UBR4: variants seen among roughly 807,000 people sequenced by gnomAD.
UBR4 encodes the protein ubiquitin protein ligase E3 component n-recognin 4, also known as E3 ubiquitin-protein ligase UBR4.
Under a neutral mutation model 575.6 loss-of-function variants are expected in UBR4, and 124 were observed. The ratio of observed to expected loss-of-function variants is 0.22; its 90% confidence interval spans 0.19 to 0.25. The LOEUF is 0.25. Among genes scored for constraint, UBR4 ranks in the 10% least tolerant of loss-of-function variants. The pLI is 1.00. For missense variants in UBR4, 4,818 were observed against 6,478.8 expected, an observed-to-expected ratio of 0.74 and a Z score of 8.80; for synonymous variants, 2,455 against 2,473.7, an observed-to-expected ratio of 0.99 and a Z score of 0.22.
intron 54 of UBR4, 145 bp downstream of exon 54, chr1:19,144,641 T>C (rs924688055): frequency 8.4e-7 from 1 of 1,194,244 alleles, no homozygotes; most frequent in African/African-American, 1.5e-5. Context: ...TGGAGTAAGA[T>C]CTTAAAGCTT....
intron 86 of UBR4, 46 bp downstream of exon 86, chr1:19,104,539 A>T (rs2078985806): frequency 6.2e-7 from 1 of 1,600,268 alleles, no homozygotes; most frequent in South Asian, 1.1e-5. Context: ...GGTTGTCCCT[A>T]AACAGATTCA....
At chr1:19,144,695 A>G (rs1181514288) in intron 54 of UBR4, 91 bp downstream of exon 54, 12 of 1,509,708 alleles carry the variant, frequency 7.9e-6, no homozygotes, top group South Asian at 2.6e-5. Context: ...TCCTCTAAAT[A>G]TATTTTATTT....
Position 19,183,858 on chromosome 1 carries a change from A to T in UBR4, c.2137T>A (p.Phe713Ile), listed in dbSNP as rs1439219478. 3 of 1,614,082 alleles carry T rather than the reference A, an allele frequency of 1.9e-6. No homozygotes were observed. The highest frequency in any genetic ancestry group is 2.5e-6 in the Non-Finnish European group (3 of 1,180,028). ...TCAGAGGTTACCAGTGAGTGGTTGA[A>T]GTGATAGAGAGCTGCAGCAAACTCT... ...DEEFAAALYH[F>I]NHSLVTSDLQ... The change falls in exon 17 of 106, where the codon TTC becomes ATC. Residue 713 changes from phenylalanine to isoleucine, a missense_variant. This residue lies in a region of UBR4 where 1,172 missense variants were observed against 1,259.7 expected (regional missense o/e 0.93). Coordinates refer to ENST00000375254, the MANE Select transcript of UBR4 (RefSeq NM_020765.3).
At position 19,139,745 on chromosome 1, in the gene UBR4, T is replaced by C. The variant is rs2083628180; in HGVS notation, c.8594-525A>G. ...GCATGAGCTCTTGAATCAACCCTGT[T>C]TTGGTTTTTTTAGCAAGTGGTCCAG... On this transcript the variant is annotated intron_variant, in intron 58 of 105. Transcript: ENST00000375254. This position sits in a 1 kb window ranked among gnomAD's most constrained non-coding sequence, Gnocchi z 4.2. 6.6e-6 allele frequency among the ~76,000 whole-genome samples: 1 copy of C among 152,164 alleles called. No individual in the cohort carries two copies.
intron 89 of UBR4, 143 bp from the exon 90 acceptor site, chr1:19,099,820 A>G (rs1378915980): frequency 1.5e-6 from 1 of 668,688 alleles, no homozygotes; most frequent in African/African-American, 1.8e-5. Flanking sequence ...ACTCTTAAAA[A>G]ATCCGCACGT....
intron 104 of UBR4, 114 bp downstream of exon 104, chr1:19,077,861 GC>G (rs1557458294): frequency 6.4e-7 from 1 of 1,573,350 alleles, no homozygotes; most frequent in East Asian, 2.3e-5. Flanking sequence ...GGAAAAAAGC[GC>G]CCCCAGGCCC....
chr1:19,119,014 A>AT, intron 70 of UBR4, 57 bp from the exon 71 acceptor site: 1 of 1,546,454 alleles, frequency 6.5e-7, no homozygotes, highest in Non-Finnish European at 8.9e-7. Context: ...TCTTATTGGA[A>AT]AAGACTTTTG....
intron 104 of UBR4, chr1:19,077,678 A>G: frequency 9.3e-7 from 1 of 1,079,962 alleles, no homozygotes; most frequent in South Asian, 1.3e-5. Flanking sequence ...GGTTGCAGTG[A>G]GCCGAGATCA....
At chr1:19,190,272 AAC>A (rs1357158370) in intron 11 of UBR4, among the ~76,000 whole-genome samples, 2 of 140,638 alleles carry the variant, frequency 1.4e-5, no homozygotes, top group Non-Finnish European at 3.0e-5. Flanking sequence ...CAGCCTGGGC[AAC>A]AGAGCGAGAC....
chr1:19,175,088 T>C, intron 20 of UBR4, 55 bp from the exon 21 acceptor site: 1 of 1,470,784 alleles, frequency 6.8e-7, no homozygotes, highest in Non-Finnish European at 9.4e-7. Context: ...TCTATCTGAC[T>C]AGTATGCAAT....
At chr1:19,205,849 C>G (rs912969632) in intron 1 of UBR4, among the ~76,000 whole-genome samples, 1 of 152,118 alleles carries the variant, frequency 6.6e-6, no homozygotes, top group African/African-American at 2.4e-5. Context: ...AAACAGAAAC[C>G]TCGAACAGGT....
intron 58 of UBR4, among the ~76,000 whole-genome samples, chr1:19,140,564 T>C (rs548127830): frequency 6.6e-6 from 1 of 152,348 alleles, no homozygotes; most frequent in African/African-American, 2.4e-5. Context: ...CGTGGGGAAG[T>C]AGCTGAAGCC....
intron 1 of UBR4, among the ~76,000 whole-genome samples, chr1:19,205,127 G>A (rs565903105): frequency 1.2e-4 from 19 of 152,330 alleles, no homozygotes; most frequent in African/African-American, 3.6e-4. Context: ...ACCGCTGAGC[G>A]TGAAACACTG....
chr1:19,171,411 T>C (rs1037653156), intron 25 of UBR4, among the ~76,000 whole-genome samples: 3 of 152,158 alleles, frequency 2.0e-5, no homozygotes, highest in African/African-American at 4.8e-5. Flanking sequence ...GCCATACATA[T>C]TTGTTTGGCT....
Position 19,105,769 on chromosome 1 carries a change from G to C in UBR4, c.12467C>G (p.Pro4156Arg). 1 of 1,610,410 alleles carries C rather than the reference G, an allele frequency of 6.2e-7. No individual in the cohort carries two copies. The highest frequency in any genetic ancestry group is 8.5e-7 in the Non-Finnish European group (1 of 1,178,896). Reference protein sequence around the residue: ...CTIVEALATIPSRKQQVLDLL... With the variant: ...CTIVEALATIRSRKQQVLDLL... ...GTCCAGGACCTGCTGCTTGCGGCTG[G>C]GAATGGTGGCTAGAGCTTCCACAAT... is the stretch of plus-strand genomic sequence containing the variant. Residue 4156 changes from proline to arginine, a missense_variant, in exon 84 of 106, where the codon CCC (proline) becomes CGC (arginine). Coordinates refer to ENST00000375254, the MANE Select transcript of UBR4 (RefSeq NM_020765.3).
At position 19,155,464 on chromosome 1, in the gene UBR4, C is replaced by T; in HGVS notation, c.6277G>A (p.Glu2093Lys). ...QGPFYVTNVL[E>K]INHEDLKDSN... ...ACCTTCAGGTCCTCATGATTGATTTCCAACACATTAGTGACATAGAAGGGT... is the reference window on the plus strand; with the variant it reads ...ACCTTCAGGTCCTCATGATTGATTTTCAACACATTAGTGACATAGAAGGGT... The change falls in exon 43 of 106, where the codon GAA becomes AAA. Residue 2093 changes from glutamate (E) to lysine (K), a missense_variant. Physicochemically the swap from Glu to Lys is moderately conservative, Grantham distance 56. Coordinates refer to ENST00000375254, the MANE Select transcript of UBR4 (RefSeq NM_020765.3). 1 of 1,614,102 alleles carries T rather than the reference C, an allele frequency of 6.2e-7. No individual in the cohort carries two copies. Among genetic ancestry groups the T allele is most frequent in the African/African-American group, 1.3e-5 (1 of 75,028 alleles).
chr1:19,207,227 A>C (rs1432399048), intron 1 of UBR4, among the ~76,000 whole-genome samples: 4 of 152,246 alleles, frequency 2.6e-5, no homozygotes, highest in African/African-American at 9.6e-5. Flanking sequence ...CTAGACAACA[A>C]GGCCCACCTC....
At chr1:19,120,088 G>A in intron 69 of UBR4, 92 bp downstream of exon 69, 2 of 1,436,046 alleles carry the variant, frequency 1.4e-6, no homozygotes, top group Non-Finnish European at 1.9e-6. Context: ...TACTGACTCT[G>A]TGACCATATG....
intron 20 of UBR4, 116 bp downstream of exon 20, chr1:19,176,476 T>C (rs1557915419): frequency 4.8e-6 from 6 of 1,245,432 alleles, no homozygotes; most frequent in Non-Finnish European, 6.7e-6. Context: ...TTGCCACCCA[T>C]AGGGATTACA....
Sources: gnomAD v4.1 joint callset for allele counts (sites outside exome capture counted in the v4.1 genomes callset) on GRCh38, gnomAD v4.1.1 for gene constraint, gnomAD v4.1.1 regional missense constraint, Gnocchi (gnomAD v3.1) non-coding constraint, MANE v1.5 for transcripts, NCBI Gene and HGNC (gene_info 2026-07-23, HGNC 2026-07-21) for gene names.